TRNT1: variants seen among roughly 807,000 people sequenced by gnomAD.
TRNT1 encodes CCA tRNA nucleotidyltransferase 1, mitochondrial.
Under a neutral mutation model 45.6 loss-of-function variants are expected in TRNT1, and 44 were observed. The ratio of observed to expected loss-of-function variants is 0.97; its 90% CI spans 0.76 to 1.24. The LOEUF is 1.24. Ranked by LOEUF, TRNT1 falls within the 50% of genes most tolerant of loss-of-function variation. TRNT1 has a pLI of 0.00. For missense variants in TRNT1, 633 were observed against 504.4 expected, an observed-to-expected ratio of 1.25 and a Z score of -2.44; for synonymous variants, 201 against 171.4, an observed-to-expected ratio of 1.17 and a Z score of -1.35.
At chr3:3,132,709 A>AT in intron 2 of TRNT1, among the ~76,000 whole-genome samples, 4 of 146,108 alleles carry the variant, frequency 2.7e-5, no homozygotes, top group Non-Finnish European at 4.5e-5. Context: ...AAAAAATAAA[A>AT]AAAAACATAT....
At chr3:3,137,138 G>A (rs1575049628) in intron 2 of TRNT1, 122 bp from the exon 3 acceptor site, 4 of 726,988 alleles carry the variant, frequency 5.5e-6, no homozygotes, top group Non-Finnish European at 8.4e-6. Flanking sequence ...CATATGAAAA[G>A]CCTCAGTTAA....
chr3:3,130,096 C>T, intron 2 of TRNT1: 1 of 854,876 alleles, frequency 1.2e-6, no homozygotes, highest in Non-Finnish European at 1.8e-6. Context: ...GCTGATGTTG[C>T]TAAAGCAGCC....
downstream of TRNT1, chr3:3,152,794 AT>A: frequency 1.7e-6 from 1 of 596,094 alleles, no homozygotes; most frequent in Non-Finnish European, 3.0e-6. Flanking sequence ...AAATGTCTAA[AT>A]GTTTTCTGTG....
downstream of TRNT1, chr3:3,150,127 T>C (rs1042485113): frequency 1.3e-5 from 2 of 152,206 alleles, no homozygotes; most frequent in African/African-American, 4.8e-5. Flanking sequence ...ATCTTTTCCC[T>C]ATAGTAGTAG....
intron 3 of TRNT1, among the ~76,000 whole-genome samples, chr3:3,139,085 A>C (rs917602973): frequency 2.0e-5 from 3 of 152,098 alleles, no homozygotes; most frequent in Admixed American, 2.0e-4. Flanking sequence ...GTTAATTTTC[A>C]CTTGAATCTT....
chr3:3,147,106 A>C (rs1706085288), intron 6 of TRNT1, among the ~76,000 whole-genome samples: 5 of 152,198 alleles, frequency 3.3e-5, no homozygotes. Context: ...TTCAAATTTC[A>C]GTAACATTAC....
At chr3:3,153,246 T>G (rs1264736751), downstream of TRNT1, 7 of 563,170 alleles carry the variant, frequency 1.2e-5, no homozygotes, top group African/African-American at 1.3e-4. Context: ...CATGCATTGT[T>G]GCTCTGAGTA....
chr3:3,137,334 C>T lies in TRNT1; in HGVS notation c.223C>T (p.Pro75Ser). The change falls in exon 3 of 8, where the codon CCT (proline) becomes TCT (serine). Residue 75 changes from proline (P) to serine (S), a missense_variant. Physicochemically the swap from Pro to Ser is moderately conservative, Grantham distance 74 (BLOSUM62 -1). Transcript: ENST00000251607. ...AVRDLLNGVK[P>S]QDIDFATTAT... ...GAGGGATTTATTAAATGGAGTAAAGCCTCAGGATATAGATTTTGCCACCAC... is the reference window on the plus strand; with the variant it reads ...GAGGGATTTATTAAATGGAGTAAAGTCTCAGGATATAGATTTTGCCACCAC... The T allele has an allele frequency of 2.5e-6, 4 of 1,613,498 alleles. No homozygotes were observed. The highest frequency in any genetic ancestry group is 2.5e-6 in the Non-Finnish European group (3 of 1,179,704).
downstream of TRNT1, chr3:3,150,489 G>C (rs2126046068): frequency 4.7e-6 from 1 of 214,604 alleles, no homozygotes; most frequent in African/African-American, 2.4e-5. Context: ...CAAATTATTA[G>C]TTTCAGTTTC....
rs1463801841 is a variant in TRNT1 at position 3,140,525 on chromosome 3, T to G, written c.358T>G (p.Phe120Val). ...TTAATTGCAGCTTCATGAAGAAAAT[T>G]TTGAGATTACTACACTACGGATTGA... ...TITARLHEEN[F>V]EITTLRIDVT... The change falls in exon 4 of 8, where the codon TTT (phenylalanine) becomes GTT (valine). Residue 120 changes from phenylalanine (F) to valine (V), a missense_variant. Physicochemically the swap from Phe to Val is conservative, Grantham distance 50 (BLOSUM62 -1). Coordinates refer to ENST00000251607, the MANE Select transcript of TRNT1 (RefSeq NM_182916.3). 1.9e-6 allele frequency: 3 copies of G among 1,612,178 alleles called. No homozygotes were observed. In the East Asian group the frequency reaches 6.7e-5, roughly 36 times the overall value.
intron 3 of TRNT1, among the ~76,000 whole-genome samples, chr3:3,138,744 G>A (rs181933071): frequency 7.3e-4 from 111 of 152,276 alleles, no homozygotes; most frequent in African/African-American, 2.2e-3. Context: ...GTCTTTCTTA[G>A]TATATTTCTT....
rs1226987456 is a variant in TRNT1, at chr3:3,137,559, A to C, written c.342+106A>C. 11 of 962,434 alleles carry C rather than the reference A, an allele frequency of 1.1e-5. No homozygotes were observed. The East Asian group carries it at 2.7e-4, about 23-fold the overall frequency. The allele number at this position is 962,434 out of a possible 1,614,324, so 59.6% of individuals were successfully genotyped here. On this transcript the variant is annotated intron_variant, in intron 3 of 7. Coordinates refer to ENST00000251607, the MANE Select transcript of TRNT1 (RefSeq NM_182916.3). ...TAACGAAAAGTCTAATAAAAAAGTCAGTCTCTTCTATGCCCGTCATAAACC... is the reference window on the plus strand; with the variant it reads ...TAACGAAAAGTCTAATAAAAAAGTCCGTCTCTTCTATGCCCGTCATAAACC...
downstream of TRNT1, chr3:3,152,590 A>G (rs1706651913): frequency 6.2e-6 from 10 of 1,614,104 alleles, no homozygotes; most frequent in Non-Finnish European, 8.5e-6. Context: ...AGGATAAACT[A>G]AAACAAAGAA....
chr3:3,147,755 GAATT>G (rs761858880), intron 7 of TRNT1, 52 bp downstream of exon 7: 3 of 1,541,656 alleles, frequency 1.9e-6, no homozygotes, highest in South Asian at 1.3e-5. Flanking sequence ...CACGAATTTA[GAATT>G]AATTTATTAA....
rs201174442 is a variant in TRNT1, at chr3:3,147,495, A to G, written c.848A>G (p.Lys283Arg). 2.7e-5 allele frequency: 43 copies of G among 1,613,858 alleles called. No homozygotes were observed. In the Admixed American group the frequency reaches 2.7e-4, roughly 10 times the overall value. Reference protein sequence around the residue: ...ASLEEFDKVSKNVDGFSPKPV... With the variant: ...ASLEEFDKVSRNVDGFSPKPV... ...TTAGAAGAATTTGACAAAGTCAGTA[A>G]AAATGTTGATGGTTTTTCACCAAAG... Residue 283 changes from lysine to arginine, a missense_variant, in exon 7 of 8, where the codon AAA (lysine) becomes AGA (arginine). Coordinates refer to ENST00000251607, the MANE Select transcript of TRNT1 (RefSeq NM_182916.3).
intron 4 of TRNT1, among the ~76,000 whole-genome samples, chr3:3,142,553 A>G (rs1195786289): frequency 6.6e-6 from 1 of 152,256 alleles, no homozygotes; most frequent in Non-Finnish European, 1.5e-5. Flanking sequence ...TATTCAGAGC[A>G]AAACAAAATA....
intron 6 of TRNT1, 50 bp from the exon 7 acceptor site, chr3:3,147,400 G>C: frequency 6.3e-7 from 1 of 1,596,188 alleles, no homozygotes. Flanking sequence ...GGATATGAGT[G>C]GTTTTTTATC....
chr3:3,133,070 G>T (rs147478344), intron 2 of TRNT1, among the ~76,000 whole-genome samples: 1 of 152,258 alleles, frequency 6.6e-6, no homozygotes, highest in Admixed American at 6.5e-5. Flanking sequence ...GTGATACTTG[G>T]AGTTTAAATC....
At chr3:3,136,349 C>T (rs578211930) in intron 2 of TRNT1, among the ~76,000 whole-genome samples, 2 of 152,224 alleles carry the variant, frequency 1.3e-5, no homozygotes, top group East Asian at 3.9e-4. Context: ...TGGATTTTGC[C>T]TTATCCTCTA....
Sources: allele counts gnomAD v4.1 joint callset (sites outside exome capture counted in the v4.1 genomes callset), GRCh38; gene constraint gnomAD v4.1.1; transcripts MANE v1.5; gene names NCBI Gene and HGNC (gene_info 2026-07-23, HGNC 2026-07-21).